Variants in MPP7 observed in about 807,000 individuals in gnomAD.
MPP7 encodes the protein MAGUK p55 scaffold protein 7, also known as MAGUK p55 subfamily member 7.
Under a neutral mutation model 76.5 loss-of-function variants are expected in MPP7, and 60 were observed. That is an observed-to-expected ratio of 0.78 (90% CI 0.64 to 0.97). The LOEUF is 0.97. Among genes scored for constraint, MPP7 ranks in the 50% least tolerant of loss-of-function variants. The probability of loss-of-function intolerance (pLI) is 0.00; values close to 1 mark genes in which losing one functional copy is unlikely to be tolerated. For synonymous variants in MPP7, 237 were observed against 244.5 expected, an observed-to-expected ratio of 0.97 and a Z score of 0.29; for missense variants, 641 against 694.0, an observed-to-expected ratio of 0.92 and a Z score of 0.86.
intron 5 of MPP7, among the ~76,000 whole-genome samples, chr10:28,146,644 C>CTCAAAAAAAGTAGAAACTAGTTTTTACA (rs1472169459): frequency 6.6e-6 from 1 of 151,980 alleles, no homozygotes; most frequent in Non-Finnish European, 1.5e-5. Flanking sequence ...AAAGCTATTT[C>CTCAAAAAAAGTAGAAACTAGTTTTTACA]TCAAAAAAAG....
intron 3 of MPP7, among the ~76,000 whole-genome samples, chr10:28,171,681 C>T (rs1277633937): frequency 6.6e-6 from 1 of 152,192 alleles, no homozygotes; most frequent in African/African-American, 2.4e-5. Flanking sequence ...GCAGGCAGTT[C>T]TAGTATATTG....
chr10:28,291,561 C>T (rs1211220230), intron 1 of MPP7, among the ~76,000 whole-genome samples: 1 of 152,004 alleles, frequency 6.6e-6, no homozygotes, highest in Non-Finnish European at 1.5e-5. Flanking sequence ...AGCCAAAGAT[C>T]GCACCACTGC....
intron 6 of MPP7, 143 bp downstream of exon 6, chr10:28,131,417 G>T: frequency 1.6e-6 from 1 of 632,514 alleles, no homozygotes; most frequent in Non-Finnish European, 2.3e-6. Context: ...TTTTTCAAAA[G>T]CATGTTCTTT....
chr10:28,223,627 C>T (rs1328198944), intron 2 of MPP7, among the ~76,000 whole-genome samples: 2 of 152,070 alleles, frequency 1.3e-5, no homozygotes, highest in African/African-American at 2.4e-5. Context: ...TTGAGCCATA[C>T]ATTCTACTGA....
chr10:28,257,219 T>C (rs556589946), intron 1 of MPP7, among the ~76,000 whole-genome samples: 13 of 152,246 alleles, frequency 8.5e-5, no homozygotes, highest in African/African-American at 3.1e-4. Context: ...GCGTTTCATG[T>C]CATGACACGA....
chr10:28,055,215 C>G (rs1851509921), intron 16 of MPP7, among the ~76,000 whole-genome samples: 1 of 152,092 alleles, frequency 6.6e-6, no homozygotes, highest in Non-Finnish European at 1.5e-5. Context: ...TTCATTGTCA[C>G]ATAAGATTTC....
chr10:28,332,136 T>C (rs1245633957), intron 1 of MPP7, among the ~76,000 whole-genome samples: 1 of 152,110 alleles, frequency 6.6e-6, no homozygotes, highest in Admixed American at 6.6e-5. Context: ...CCAGAAGAAA[T>C]TGAGTTTTTT....
chr10:28,095,591 C>T (rs1433770752), intron 11 of MPP7, among the ~76,000 whole-genome samples: 4 of 152,068 alleles, frequency 2.6e-5, no homozygotes, highest in East Asian at 1.9e-4. Flanking sequence ...GGGAGTTAAT[C>T]GTTTCTTGCC....
At chr10:28,319,745 G>A (rs189134320) in intron 2 of MPP7, among the ~76,000 whole-genome samples, 40 of 152,248 alleles carry the variant, frequency 2.6e-4, no homozygotes, top group African/African-American at 8.9e-4. Flanking sequence ...GGAGGCCAAC[G>A]CAGGTGGATC....
At position 28,107,227 on chromosome 10, in the gene MPP7, A is replaced by G. The variant is rs373200542; in HGVS notation, c.952+12424T>C. Among the ~76,000 whole-genome samples, 9 of 152,230 alleles carry G rather than the reference A, an allele frequency of 5.9e-5. No individual in the cohort carries two copies. In the East Asian group the frequency reaches 1.6e-3, roughly 26 times the overall value. On this transcript the variant is annotated intron_variant, in intron 11 of 16. Coordinates refer to ENST00000683449, the MANE Select transcript of MPP7 (RefSeq NM_001318170.2). Reference sequence around the variant, plus strand: ...ATCTTTATCCCCCATGCTACCTGGAATTACAGCTAACCCTTGGTGCCCAGC... The same window carrying G: ...ATCTTTATCCCCCATGCTACCTGGAGTTACAGCTAACCCTTGGTGCCCAGC...
intron 11 of MPP7, among the ~76,000 whole-genome samples, chr10:28,106,185 G>A (rs542683003): frequency 3.4e-4 from 52 of 152,260 alleles, no homozygotes; most frequent in African/African-American, 9.4e-4. Flanking sequence ...CCCTCCCATA[G>A]TCTTAATTCC....
At chr10:28,158,057 T>A (rs534797848) in intron 3 of MPP7, among the ~76,000 whole-genome samples, 19 of 152,190 alleles carry the variant, frequency 1.2e-4, no homozygotes, top group Non-Finnish European at 2.4e-4. Flanking sequence ...AACGTTATTA[T>A]TAGTTAGTGA....
intron 11 of MPP7, among the ~76,000 whole-genome samples, chr10:28,090,153 G>A (rs1853227183): frequency 6.6e-6 from 1 of 151,966 alleles, no homozygotes. Context: ...GTAGAGACAG[G>A]GTCTTGCTAC....
chr10:28,123,208 A>G (rs942656048), intron 8 of MPP7, among the ~76,000 whole-genome samples: 1 of 152,228 alleles, frequency 6.6e-6, no homozygotes, highest in African/African-American at 2.4e-5. Flanking sequence ...GTTTTCACAT[A>G]TAAAAGAGAG....
chr10:28,198,111 CAT>C (rs1056966557), intron 3 of MPP7, among the ~76,000 whole-genome samples: 3 of 152,158 alleles, frequency 2.0e-5, no homozygotes, highest in African/African-American at 7.2e-5. Flanking sequence ...CAGATTGCTA[CAT>C]TTTTTCCTCC....
At chr10:28,066,720 C>A (rs1852001281) in intron 13 of MPP7, among the ~76,000 whole-genome samples, 1 of 152,180 alleles carries the variant, frequency 6.6e-6, no homozygotes, top group South Asian at 2.1e-4. Context: ...TCTAACAGCA[C>A]ACATGAATGT....
intron 11 of MPP7, among the ~76,000 whole-genome samples, chr10:28,093,306 T>C (rs1219927141): frequency 1.3e-5 from 2 of 152,100 alleles, no homozygotes; most frequent in Non-Finnish European, 2.9e-5. Context: ...AACAAGAACA[T>C]AAATGCTTCA....
chr10:28,283,129 G>A (rs1215904577), intron 1 of MPP7, among the ~76,000 whole-genome samples: 1 of 151,878 alleles, frequency 6.6e-6, no homozygotes, highest in Non-Finnish European at 1.5e-5. Flanking sequence ...GGCCAAAATA[G>A]GTGAAACTTG....
At chr10:28,057,789 T>C in intron 15 of MPP7, 1 of 1,287,834 alleles carries the variant, frequency 7.8e-7, no homozygotes, top group South Asian at 1.2e-5. Context: ...CAGGTCATTC[T>C]AGCATTTGGA....
Sources: gnomAD v4.1 joint callset for allele counts (sites outside exome capture counted in the v4.1 genomes callset) on GRCh38, gnomAD v4.1.1 for gene constraint, MANE v1.5 for transcripts, NCBI Gene and HGNC (gene_info 2026-07-23, HGNC 2026-07-21) for gene names.